Variants in NRXN3 observed in about 807,000 individuals in gnomAD.
NRXN3 encodes neurexin III.
Under a neutral mutation model 137.6 loss-of-function variants are expected in NRXN3, and 32 were observed. The observed-to-expected ratio is 0.23, with a 90% CI of 0.18 to 0.31. NRXN3 has a LOEUF of 0.31. Ranked by LOEUF, NRXN3 falls within the 10% of genes least tolerant of loss-of-function variation. The probability of loss-of-function intolerance (pLI) is 1.00; values close to 1 mark genes in which losing one functional copy is unlikely to be tolerated. For missense variants in NRXN3, 1,574 were observed against 2,062.5 expected (o/e 0.76, Z 4.59); for synonymous variants, 798 against 784.5 (o/e 1.02, Z -0.29).
intron 16 of NRXN3, among the ~76,000 whole-genome samples, chr14:79,616,277 G>A (rs536005990): frequency 3.9e-5 from 6 of 152,144 alleles, no homozygotes; most frequent in Non-Finnish European, 8.8e-5. Flanking sequence ...GGGAGCAACA[G>A]CTGGAGTGAA....
intron 8 of NRXN3, among the ~76,000 whole-genome samples, chr14:78,732,169 C>T (rs2098519084): frequency 6.6e-6 from 1 of 152,154 alleles, no homozygotes; most frequent in Non-Finnish European, 1.5e-5. Flanking sequence ...GTACTCAGTA[C>T]CTCCTTAGAC....
At chr14:79,600,707 G>A (rs2097912750) in intron 16 of NRXN3, among the ~76,000 whole-genome samples, 1 of 152,072 alleles carries the variant, frequency 6.6e-6, no homozygotes, top group Non-Finnish European at 1.5e-5. Context: ...AAGTCCCCTG[G>A]CAACGCGAAA....
intron 10 of NRXN3, among the ~76,000 whole-genome samples, chr14:78,817,509 G>A (rs918632156): frequency 6.6e-6 from 1 of 152,126 alleles, no homozygotes; most frequent in Admixed American, 6.6e-5. Flanking sequence ...AATACTTGGG[G>A]CTAGGTAATT....
intron 4 of NRXN3, among the ~76,000 whole-genome samples, chr14:78,347,437 C>T (rs538365125): frequency 6.6e-6 from 1 of 152,174 alleles, no homozygotes; most frequent in African/African-American, 2.4e-5. Context: ...TTTTACCAAG[C>T]CACTCCCTGG....
chr14:79,842,826 A>G (rs2099358957), intron 20 of NRXN3, among the ~76,000 whole-genome samples: 1 of 152,112 alleles, frequency 6.6e-6, no homozygotes, highest in Non-Finnish European at 1.5e-5. Context: ...TGCACATTAG[A>G]TCTTTAGACT....
At chr14:79,101,939 G>A (rs2051382024) in intron 15 of NRXN3, among the ~76,000 whole-genome samples, 1 of 152,028 alleles carries the variant, frequency 6.6e-6, no homozygotes, top group African/African-American at 2.4e-5. Context: ...ACACACACAG[G>A]GAAAAATGCC....
At chr14:78,948,035 A>G (rs2099371013) in intron 10 of NRXN3, among the ~76,000 whole-genome samples, 2 of 152,202 alleles carry the variant, frequency 1.3e-5, no homozygotes, top group African/African-American at 2.4e-5. Context: ...TGCATGGGAC[A>G]TGATTGAGTG....
At chr14:79,696,104 C>G (rs2098734450) in intron 18 of NRXN3, among the ~76,000 whole-genome samples, 2 of 151,958 alleles carry the variant, frequency 1.3e-5, no homozygotes, top group South Asian at 4.1e-4. Context: ...ATTCTCTTCT[C>G]TGCCACTTCC....
chr14:79,015,900 G>A (rs778693461), intron 15 of NRXN3, among the ~76,000 whole-genome samples: 3 of 152,028 alleles, frequency 2.0e-5, no homozygotes, highest in Admixed American at 1.3e-4. Context: ...TATCTAGTAC[G>A]ATTGGCTGCC....
intron 15 of NRXN3, among the ~76,000 whole-genome samples, chr14:79,131,501 G>A (rs1386477610): frequency 6.6e-6 from 1 of 152,196 alleles, no homozygotes; most frequent in African/African-American, 2.4e-5. Context: ...GGGGTCAGGG[G>A]TCAGGGACCC....
chr14:78,755,867 G>A (rs1320020688), intron 8 of NRXN3, among the ~76,000 whole-genome samples: 1 of 152,206 alleles, frequency 6.6e-6, no homozygotes, highest in African/African-American at 2.4e-5. Flanking sequence ...TCTGCTGTGT[G>A]TATGTAGATT....
At chr14:78,924,561 T>C (rs1487437734) in intron 10 of NRXN3, among the ~76,000 whole-genome samples, 1 of 152,174 alleles carries the variant, frequency 6.6e-6, no homozygotes, top group Non-Finnish European at 1.5e-5. Context: ...ACATTATTTC[T>C]ATTCTGAACA....
intron 10 of NRXN3, among the ~76,000 whole-genome samples, chr14:78,899,792 A>T (rs1210182696): frequency 1.3e-5 from 2 of 152,010 alleles, no homozygotes; most frequent in Non-Finnish European, 2.9e-5. Context: ...TACTTCTTGA[A>T]GTTTATATTT....
chr14:79,657,447 T>A (rs1367050027), intron 16 of NRXN3, among the ~76,000 whole-genome samples: 2 of 152,196 alleles, frequency 1.3e-5, no homozygotes, highest in African/African-American at 4.8e-5. Flanking sequence ...CGTGGTCTTG[T>A]CAGTTTGGGT....
At chr14:79,394,752 G>A (rs902111523) in intron 15 of NRXN3, among the ~76,000 whole-genome samples, 9 of 152,054 alleles carry the variant, frequency 5.9e-5, no homozygotes, top group Non-Finnish European at 1.3e-4. Flanking sequence ...GTATCCCAGG[G>A]GAGTCAGCCT....
intron 11 of NRXN3, among the ~76,000 whole-genome samples, chr14:78,959,802 GTC>G (rs2099404550): frequency 6.6e-6 from 1 of 152,120 alleles, no homozygotes; most frequent in Non-Finnish European, 1.5e-5. Flanking sequence ...CAAAGGATAA[GTC>G]ACACATCTGT....
intron 10 of NRXN3, among the ~76,000 whole-genome samples, chr14:78,922,201 T>C (rs1330998315): frequency 1.3e-5 from 2 of 152,200 alleles, no homozygotes; most frequent in Non-Finnish European, 1.5e-5. Context: ...TCTATACCTT[T>C]AGAGTGAACA....
intron 16 of NRXN3, among the ~76,000 whole-genome samples, chr14:79,570,831 G>C (rs2097593336): frequency 6.6e-6 from 1 of 152,196 alleles, no homozygotes; most frequent in Admixed American, 6.5e-5. Flanking sequence ...CTTGCAGTCA[G>C]CTGCCTTCTT....
chr14:79,078,417 TG>T (rs1197398114), intron 15 of NRXN3, among the ~76,000 whole-genome samples: 1 of 152,198 alleles, frequency 6.6e-6, no homozygotes, highest in Non-Finnish European at 1.5e-5. Flanking sequence ...TACTGCCTAG[TG>T]GCTGACTTAC....
Sources: allele counts gnomAD v4.1 joint callset (sites outside exome capture counted in the v4.1 genomes callset), GRCh38; gene constraint gnomAD v4.1.1; transcripts MANE v1.5; gene names NCBI Gene and HGNC (gene_info 2026-07-23, HGNC 2026-07-21).